DAB1: variants seen among roughly 807,000 people sequenced by gnomAD.
DAB1 encodes disabled homolog 1.
Under a neutral mutation model 64.6 loss-of-function variants are expected in DAB1, and 15 were observed. The ratio of observed to expected loss-of-function variants is 0.23; its 90% CI spans 0.16 to 0.36. The LOEUF (loss-of-function observed/expected upper bound fraction) is 0.36, where lower values mean the gene tolerates loss of function less well. Ranked by LOEUF, DAB1 falls within the 10% of genes least tolerant of loss-of-function variation. The pLI is 1.00. For missense variants in DAB1, 596 were observed against 706.7 expected, an observed-to-expected ratio of 0.84 and a Z score of 1.78; for synonymous variants, 235 against 251.9, an observed-to-expected ratio of 0.93 and a Z score of 0.64.
At chr1:57,711,987 T>C (rs888112728) in intron 6 of DAB1, among the ~76,000 whole-genome samples, 1 of 152,184 alleles carries the variant, frequency 6.6e-6, no homozygotes, top group Admixed American at 6.5e-5. Flanking sequence ...TGGAAGCTTT[T>C]ATATTATTTT....
At chr1:58,347,412 T>G (rs948933087) in intron 3 of DAB1, among the ~76,000 whole-genome samples, 5 of 152,146 alleles carry the variant, frequency 3.3e-5, no homozygotes, top group African/African-American at 9.7e-5. Context: ...AACCGATGGT[T>G]TTAATGAATA....
At chr1:57,854,938 T>C (rs1432344321) in intron 1 of DAB1, among the ~76,000 whole-genome samples, 2 of 152,194 alleles carry the variant, frequency 1.3e-5, no homozygotes, top group African/African-American at 2.4e-5. Context: ...TAATAACTTA[T>C]CAACTCATTG....
intron 1 of DAB1, among the ~76,000 whole-genome samples, chr1:57,329,208 C>T (rs1460163770): frequency 6.6e-6 from 1 of 152,154 alleles, no homozygotes; most frequent in Non-Finnish European, 1.5e-5. Context: ...CAATTAATCC[C>T]AAGGTCACAA....
At chr1:58,388,859 T>C (rs1644454622) in intron 3 of DAB1, among the ~76,000 whole-genome samples, 1 of 152,218 alleles carries the variant, frequency 6.6e-6, no homozygotes, top group Admixed American at 6.5e-5. Flanking sequence ...CCTATAGACC[T>C]GGAGAAGCTC....
chr1:57,937,291 G>A (rs1274794857), intron 5 of DAB1, among the ~76,000 whole-genome samples: 1 of 152,004 alleles, frequency 6.6e-6, no homozygotes, highest in Non-Finnish European at 1.5e-5. Flanking sequence ...AAGAGTGGTG[G>A]GAGCAGCCTG....
chr1:57,765,903 T>G (rs1649290551), intron 6 of DAB1, among the ~76,000 whole-genome samples: 1 of 152,178 alleles, frequency 6.6e-6, no homozygotes, highest in Admixed American at 6.5e-5. Flanking sequence ...AGTGCTGGGA[T>G]TACAGGCGTG....
intron 2 of DAB1, among the ~76,000 whole-genome samples, chr1:58,524,023 A>T (rs11207248): frequency 0.18 from 27,071 of 152,236 alleles, 2,545 homozygotes; most frequent in Middle Eastern, 0.23. Flanking sequence ...TTTGCTTTAC[A>T]ACCAAAAGAC....
intron 3 of DAB1, among the ~76,000 whole-genome samples, chr1:58,388,151 A>C (rs1644448570): frequency 6.6e-6 from 1 of 152,176 alleles, no homozygotes; most frequent in African/African-American, 2.4e-5. Flanking sequence ...GACAGGGAGG[A>C]GAGGGAAGAT....
At chr1:57,129,454 A>G (rs1199937414) in intron 4 of DAB1, among the ~76,000 whole-genome samples, 2 of 152,156 alleles carry the variant, frequency 1.3e-5, no homozygotes, top group African/African-American at 4.8e-5. Flanking sequence ...GCCATGGGCC[A>G]GTGGAAGCCC....
At chr1:57,319,733 T>G (rs12078417) in intron 1 of DAB1, among the ~76,000 whole-genome samples, 4,951 of 152,180 alleles carry the variant, frequency 0.033, 253 homozygotes, top group African/African-American at 0.11. Context: ...TATGATACAG[T>G]TCTGGCAAAA....
intron 8 of DAB1, among the ~76,000 whole-genome samples, chr1:57,066,953 C>G (rs568152484): frequency 6.6e-6 from 1 of 152,142 alleles, no homozygotes; most frequent in East Asian, 1.9e-4. Flanking sequence ...CTGGGCCAAG[C>G]TGAAGTACTA....
chr1:57,446,898 G>A (rs375672406), intron 7 of DAB1, among the ~76,000 whole-genome samples: 11 of 152,108 alleles, frequency 7.2e-5, no homozygotes, highest in Admixed American at 1.3e-4. Context: ...ATATCCTTAA[G>A]TATCCTTGGG....
chr1:58,452,461 A>G (rs1645148485), intron 3 of DAB1, among the ~76,000 whole-genome samples: 1 of 151,978 alleles, frequency 6.6e-6, no homozygotes, highest in Non-Finnish European at 1.5e-5. Context: ...ACTTTCATTC[A>G]CTGCTGGTGG....
intron 7 of DAB1, among the ~76,000 whole-genome samples, chr1:57,522,477 A>G (rs1407992791): frequency 2.6e-5 from 4 of 152,194 alleles, no homozygotes; most frequent in Admixed American, 2.0e-4. Context: ...TCACACTGCT[A>G]ATAAAGACAT....
chr1:57,214,921 A>AG (rs556841100), intron 2 of DAB1, among the ~76,000 whole-genome samples: 1 of 151,116 alleles, frequency 6.6e-6, no homozygotes, highest in South Asian at 2.1e-4. Flanking sequence ...AAAAAAAAAA[A>AG]AAAAAAAAAG....
At chr1:57,205,724 A>G (rs919324869) in intron 2 of DAB1, among the ~76,000 whole-genome samples, 1 of 152,206 alleles carries the variant, frequency 6.6e-6, no homozygotes, top group East Asian at 1.9e-4. Context: ...TCACACAGCT[A>G]GTAAGTGGCA....
chr1:58,370,297 T>C (rs887054582), intron 3 of DAB1, among the ~76,000 whole-genome samples: 9 of 151,794 alleles, frequency 5.9e-5, no homozygotes, highest in Non-Finnish European at 1.2e-4. Flanking sequence ...AGATATAGCA[T>C]GATGAGGAAA....
chr1:58,203,965 T>G (rs766172382), intron 4 of DAB1, among the ~76,000 whole-genome samples: 1 of 152,176 alleles, frequency 6.6e-6, no homozygotes, highest in Non-Finnish European at 1.5e-5. Context: ...CAGAAGGCAT[T>G]TGAGAAAAAC....
chr1:57,717,812 G>A (rs1310117717), intron 6 of DAB1, among the ~76,000 whole-genome samples: 1 of 151,976 alleles, frequency 6.6e-6, no homozygotes, highest in Non-Finnish European at 1.5e-5. Context: ...GTCATTTTTG[G>A]CAATGTAGAT....
Sources: allele counts gnomAD v4.1 joint callset (sites outside exome capture counted in the v4.1 genomes callset), GRCh38; gene constraint gnomAD v4.1.1; transcripts MANE v1.5; gene names NCBI Gene and HGNC (gene_info 2026-07-23, HGNC 2026-07-21).